The following LHFPL3 variants were observed in gnomAD, a reference collection of about 807,000 sequenced individuals.
LHFPL3 encodes the protein LHFPL tetraspan subfamily member 3.
LHFPL3 carries 5 observed loss-of-function variants against 19.3 expected under a neutral mutation model. That is an observed-to-expected ratio of 0.26 (90% confidence interval 0.14 to 0.54). The LOEUF (loss-of-function observed/expected upper bound fraction) is 0.54. Ranked by LOEUF, LHFPL3 falls within the 20% of genes least tolerant of loss-of-function variation. The pLI, the probability that LHFPL3 is intolerant of heterozygous loss-of-function variation, is 0.94. For synonymous variants in LHFPL3, 133 were observed against 126.2 expected (o/e 1.05, Z -0.36); for missense variants, 249 against 307.4 (o/e 0.81, Z 1.42).
chr7:104,575,374 G>A (rs1357696919), intron 1 of LHFPL3, among the ~76,000 whole-genome samples: 4 of 151,950 alleles, frequency 2.6e-5, no homozygotes, highest in East Asian at 1.9e-4. Context: ...AATCAACCTC[G>A]AAAATAAATT....
chr7:104,700,501 T>A (rs1159423654), intron 1 of LHFPL3, among the ~76,000 whole-genome samples: 1 of 152,252 alleles, frequency 6.6e-6, no homozygotes, highest in Non-Finnish European at 1.5e-5. Context: ...ACTTCCTATA[T>A]GACATATCTT....
chr7:104,741,811 C>T (rs1365834335), intron 2 of LHFPL3, among the ~76,000 whole-genome samples: 1 of 152,134 alleles, frequency 6.6e-6, no homozygotes. Context: ...CCCAAAGCAG[C>T]AGGATTACAA....
At chr7:104,866,875 T>A (rs1791733203) in intron 2 of LHFPL3, among the ~76,000 whole-genome samples, 2 of 152,254 alleles carry the variant, frequency 1.3e-5, no homozygotes, top group South Asian at 4.2e-4. Context: ...TAATAAACTG[T>A]CTCTCAGACC....
At chr7:104,632,847 G>GTAATTTTGCATTTTCAGTAGAGAGTAATT (rs1791667897) in intron 1 of LHFPL3, among the ~76,000 whole-genome samples, 1 of 152,130 alleles carries the variant, frequency 6.6e-6, no homozygotes, top group Non-Finnish European at 1.5e-5. Context: ...TAGAGATGAG[G>GTAATTTTGCATTTTCAGTAGAGAGTAATT]TTTTGCTATA....
Position 104,399,663 on chromosome 7 carries a change from G to A in LHFPL3, c.445+70439G>A, listed in dbSNP as rs1388488936. Among the ~76,000 whole-genome samples the A allele has an allele frequency of 6.1e-5, 9 of 148,024 alleles. No homozygotes were observed. The highest frequency in any genetic ancestry group is 3.5e-3 in the Middle Eastern group (1 of 286). On this transcript the variant is annotated intron_variant, in intron 1 of 2. Transcript: ENST00000424859. This position sits in a 1 kb window ranked among gnomAD's most constrained non-coding sequence, Gnocchi z 4.4. ...TTTTTTTTTTTTTTTTGGTAGAGAC[G>A]GGGTTTCACCATATTGGCCAGGCTG...
At chr7:104,807,263 G>A (rs1006946728) in intron 2 of LHFPL3, among the ~76,000 whole-genome samples, 1 of 152,048 alleles carries the variant, frequency 6.6e-6, no homozygotes, top group African/African-American at 2.4e-5. Flanking sequence ...AGAGGTTGGG[G>A]CGATGTTTCC....
chr7:104,729,597 T>C (rs1793654545), intron 1 of LHFPL3, among the ~76,000 whole-genome samples: 1 of 152,150 alleles, frequency 6.6e-6, no homozygotes, highest in African/African-American at 2.4e-5. Context: ...CTTTAAAGTC[T>C]ACGTATAAGT....
intron 1 of LHFPL3, among the ~76,000 whole-genome samples, chr7:104,619,677 G>T (rs991116407): frequency 2.0e-5 from 3 of 151,792 alleles, no homozygotes; most frequent in Admixed American, 2.0e-4. Flanking sequence ...TTATTAGCTG[G>T]CTCAAGCAGT....
intron 1 of LHFPL3, among the ~76,000 whole-genome samples, chr7:104,359,076 G>A (rs73193632): frequency 0.011 from 1,666 of 152,276 alleles, 15 homozygotes; most frequent in Non-Finnish European, 0.019. Context: ...GCCTGCATGG[G>A]GCAGATGTGC....
intron 1 of LHFPL3, among the ~76,000 whole-genome samples, chr7:104,504,072 C>T (rs1373999606): frequency 1.3e-5 from 2 of 152,158 alleles, no homozygotes; most frequent in Non-Finnish European, 2.9e-5. Flanking sequence ...CTCTCCAGGC[C>T]AGACTCCATT....
Position 104,907,050 on chromosome 7 carries a change from C to A in LHFPL3, c.*835C>A, listed in dbSNP as rs1032033488. ...AGTTCATTTTCACCTTGGAAGCTCA[C>A]GTGTAATATTATAGGCTACTATCAA... On this transcript the variant is annotated 3_prime_UTR_variant, in exon 3 of 3. Transcript: ENST00000424859. 1 of 152,546 alleles carries A rather than the reference C, an allele frequency of 6.6e-6. No individual in the cohort carries two copies. The highest frequency in any genetic ancestry group is 6.6e-5 in the Admixed American group (1 of 15,260). The allele number at this position is 152,546 out of a possible 1,614,324, so 9.4% of individuals were successfully genotyped here.
intron 2 of LHFPL3, among the ~76,000 whole-genome samples, chr7:104,818,278 C>A (rs1790604270): frequency 6.6e-6 from 1 of 151,866 alleles, no homozygotes; most frequent in African/African-American, 2.4e-5. Context: ...GAAATTGTCA[C>A]AATCAACATG....
intron 1 of LHFPL3, among the ~76,000 whole-genome samples, chr7:104,469,849 A>G (rs146465195): frequency 2.0e-5 from 3 of 152,320 alleles, no homozygotes; most frequent in African/African-American, 7.2e-5. Context: ...CATTAATGAT[A>G]TACAATTACC....
intron 1 of LHFPL3, among the ~76,000 whole-genome samples, chr7:104,426,967 A>G (rs1300044566): frequency 1.3e-5 from 2 of 152,222 alleles, no homozygotes; most frequent in Admixed American, 1.3e-4. Context: ...CAAAATAAAC[A>G]TTCAAAAATA....
intron 2 of LHFPL3, among the ~76,000 whole-genome samples, chr7:104,764,098 C>T (rs1318778321): frequency 6.6e-6 from 1 of 152,174 alleles, no homozygotes; most frequent in Non-Finnish European, 1.5e-5. Context: ...GCCTTTTATA[C>T]AATGCATTTT....
chr7:104,614,507 A>C (rs1791270727), intron 1 of LHFPL3, among the ~76,000 whole-genome samples: 1 of 152,034 alleles, frequency 6.6e-6, no homozygotes, highest in Non-Finnish European at 1.5e-5. Context: ...AATGAGGAGA[A>C]AGTTCTGAAT....
At chr7:104,751,222 A>G (rs1159966332) in intron 2 of LHFPL3, among the ~76,000 whole-genome samples, 5 of 123,980 alleles carry the variant, frequency 4.0e-5, no homozygotes, top group Non-Finnish European at 6.9e-5. Flanking sequence ...ATTGACACTC[A>G]GGATTGGCGT....
chr7:104,873,375 C>G (rs1010705126), intron 2 of LHFPL3, among the ~76,000 whole-genome samples: 1 of 152,098 alleles, frequency 6.6e-6, no homozygotes, highest in African/African-American at 2.4e-5. Context: ...CCTATTAAGA[C>G]AAACACACAA....
chr7:104,729,752 ATTT>A (rs954405934), intron 1 of LHFPL3, among the ~76,000 whole-genome samples: 1 of 151,642 alleles, frequency 6.6e-6, no homozygotes, highest in East Asian at 1.9e-4. Flanking sequence ...TTTTATATAT[ATTT>A]TTTATTATAC....
Sources: gnomAD v4.1 joint callset for allele counts (sites outside exome capture counted in the v4.1 genomes callset) on GRCh38, gnomAD v4.1.1 for gene constraint, Gnocchi (gnomAD v3.1) non-coding constraint, MANE v1.5 for transcripts, NCBI Gene and HGNC (gene_info 2026-07-23, HGNC 2026-07-21) for gene names.